The following KLF13 variants were observed in gnomAD, a reference collection of about 807,000 sequenced individuals.
The protein encoded by KLF13 is KLF transcription factor 13, also known as Krueppel-like factor 13.
KLF13 carries 8 observed loss-of-function variants against 16.7 expected under a neutral mutation model. The observed-to-expected ratio is 0.48, with a 90% CI of 0.28 to 0.87. KLF13 has a LOEUF of 0.87. Among genes scored for constraint, KLF13 ranks in the 40% least tolerant of loss-of-function variants. The probability of loss-of-function intolerance (pLI) is 0.10; values close to 1 mark genes in which losing one functional copy is unlikely to be tolerated. For synonymous variants in KLF13, 245 were observed against 208.4 expected (o/e 1.18, Z -1.51); for missense variants, 447 against 452.2 (o/e 0.99, Z 0.10).
intron 1 of KLF13, among the ~76,000 whole-genome samples, chr15:31,356,363 G>A (rs1440255173): frequency 1.3e-5 from 2 of 152,192 alleles, no homozygotes; most frequent in Non-Finnish European, 2.9e-5. Context: ...AGACCAGCCT[G>A]ACCAACATGG....
intron 1 of KLF13, among the ~76,000 whole-genome samples, chr15:31,328,177 G>A (rs2038755411): frequency 6.7e-6 from 1 of 150,212 alleles, no homozygotes; most frequent in Non-Finnish European, 1.5e-5. Flanking sequence ...TGGGGCGCCC[G>A]GAGCGGGGGC....
intron 1 of KLF13, 114 bp from the exon 2 acceptor site, chr15:31,371,896 C>T: frequency 8.6e-7 from 1 of 1,168,450 alleles, no homozygotes; most frequent in Non-Finnish European, 1.2e-6. Flanking sequence ...GGAGGTGGGG[C>T]ATGTGGGAGG....
downstream of KLF13, among the ~76,000 whole-genome samples, chr15:31,406,201 C>T (rs1423147089): frequency 3.3e-5 from 5 of 152,178 alleles, no homozygotes; most frequent in African/African-American, 1.2e-4. Flanking sequence ...TCTGATAGGC[C>T]CGGCACAGTG....
intron 1 of KLF13, among the ~76,000 whole-genome samples, chr15:31,423,460 C>T (rs1163118297): frequency 1.3e-5 from 2 of 151,496 alleles, no homozygotes; most frequent in Non-Finnish European, 2.9e-5. Context: ...GGTGAAACCC[C>T]GTCTCTACTA....
At chr15:31,412,987 G>A (rs868159875) in intron 1 of KLF13, among the ~76,000 whole-genome samples, 3 of 152,126 alleles carry the variant, frequency 2.0e-5, no homozygotes, top group East Asian at 1.9e-4. Context: ...CCTCAGAAAC[G>A]GTTCCTTCAA....
chr15:31,349,225 G>T (rs2039177431), intron 1 of KLF13, among the ~76,000 whole-genome samples: 1 of 152,208 alleles, frequency 6.6e-6, no homozygotes, highest in African/African-American at 2.4e-5. Flanking sequence ...CGAAGCCTGT[G>T]ACTGTCATTC....
At chr15:31,379,178 T>TG (rs1595485586), downstream of KLF13, among the ~76,000 whole-genome samples, 7 of 152,268 alleles carry the variant, frequency 4.6e-5, no homozygotes, top group Admixed American at 1.3e-4. Context: ...TATCATAGAC[T>TG]GGGGGGAGGG....
At chr15:31,358,924 CG>C (rs2039341197) in intron 1 of KLF13, among the ~76,000 whole-genome samples, 1 of 152,170 alleles carries the variant, frequency 6.6e-6, no homozygotes, top group African/African-American at 2.4e-5. Flanking sequence ...AGAGGAAAGG[CG>C]GGGGCAGTGG....
chr15:31,433,080 G>C (rs541214139), intron 1 of KLF13, among the ~76,000 whole-genome samples: 1 of 152,278 alleles, frequency 6.6e-6, no homozygotes, highest in East Asian at 1.9e-4. Flanking sequence ...AAATAATCTT[G>C]AGCTTTTTTT....
At chr15:31,408,822 G>A (rs920485964), downstream of KLF13, among the ~76,000 whole-genome samples, 3 of 152,022 alleles carry the variant, frequency 2.0e-5, no homozygotes, top group Non-Finnish European at 4.4e-5. Context: ...GCAGAGAGGT[G>A]GAAACTGTAT....
chr15:31,383,981 G>T (rs922576078), intron 1 of KLF13, among the ~76,000 whole-genome samples: 4 of 152,150 alleles, frequency 2.6e-5, no homozygotes, highest in Non-Finnish European at 5.9e-5. Flanking sequence ...AGGAATAGGA[G>T]ATTAATTCAA....
downstream of KLF13, among the ~76,000 whole-genome samples, chr15:31,378,141 C>T (rs143048691): frequency 3.5e-4 from 54 of 152,306 alleles, no homozygotes; most frequent in African/African-American, 8.9e-4. Flanking sequence ...CCCACCCCTC[C>T]GTCCATCCGA....
chr15:31,349,393 C>T (rs573019678), intron 1 of KLF13, among the ~76,000 whole-genome samples: 81 of 152,314 alleles, frequency 5.3e-4, no homozygotes, highest in African/African-American at 1.8e-3. Flanking sequence ...ACATGGGAGG[C>T]GGGTGCCCTG....
chr15:31,421,402 A>T (rs765471052), intron 1 of KLF13, among the ~76,000 whole-genome samples: 2 of 152,236 alleles, frequency 1.3e-5, no homozygotes, highest in Non-Finnish European at 2.9e-5. Context: ...CATAAATCAC[A>T]TTTAATCCTG....
At chr15:31,346,031 T>C (rs2039110352) in intron 1 of KLF13, among the ~76,000 whole-genome samples, 1 of 151,980 alleles carries the variant, frequency 6.6e-6, no homozygotes, top group African/African-American at 2.4e-5. Flanking sequence ...GGCATCTGGC[T>C]CAGGCATGCG....
chr15:31,327,281 C>T lies in KLF13; in HGVS notation c.69C>T (p.Val23=). 2.2e-6 allele frequency: 3 copies of T among 1,335,018 alleles called. No individual in the cohort carries two copies. The highest frequency in any genetic ancestry group is 1.9e-6 in the Non-Finnish European group (2 of 1,044,100). The allele number at this position is 1,335,018 out of a possible 1,614,324, so 82.7% of individuals were successfully genotyped here. The part of the protein sequence containing the change: ...ECLVSMSSRA[V]VHGPREGPES... ...TCGTGTCCATGTCGAGCCGCGCGGTCGTGCACGGGCCGCGGGAGGGGCCGG... is the reference window on the plus strand; with the variant it reads ...TCGTGTCCATGTCGAGCCGCGCGGTTGTGCACGGGCCGCGGGAGGGGCCGG... The change falls in exon 1 of 2, where the codon GTC becomes GTT. Residue 23 remains valine, a synonymous_variant. Transcript: ENST00000307145.
At chr15:31,333,627 C>T (rs1391594099) in intron 1 of KLF13, among the ~76,000 whole-genome samples, 2 of 152,050 alleles carry the variant, frequency 1.3e-5, no homozygotes, top group Admixed American at 1.3e-4. Flanking sequence ...CATCTCGCCT[C>T]TCTCTTTAAA....
At chr15:31,330,796 A>G (rs2038816390) in intron 1 of KLF13, among the ~76,000 whole-genome samples, 1 of 152,240 alleles carries the variant, frequency 6.6e-6, no homozygotes, top group Non-Finnish European at 1.5e-5. Context: ...CAAGAAAAAC[A>G]TCTTTGCAGC....
Position 31,329,592 on chromosome 15 carries a change from C to A in KLF13, c.577+1803C>A, listed in dbSNP as rs75631319. 2.0e-5 allele frequency among the ~76,000 whole-genome samples: 3 copies of A among 152,218 alleles called. No individual in the cohort carries two copies. In the East Asian group the frequency reaches 5.8e-4, roughly 29 times the overall value. ...TCATCTCCCGCTTCAGGCTCTGGCC[C>A]CGCGCGAGCCTCTTGACTAGAATAT... On this transcript the variant is annotated intron_variant, in intron 1 of 1. Transcript: ENST00000307145.
Sources: gnomAD v4.1 joint callset for allele counts (sites outside exome capture counted in the v4.1 genomes callset) on GRCh38, gnomAD v4.1.1 for gene constraint, MANE v1.5 for transcripts, NCBI Gene and HGNC (gene_info 2026-07-23, HGNC 2026-07-21) for gene names.